MAPK4: variants seen among roughly 807,000 people sequenced by gnomAD.
The protein encoded by MAPK4 is Erk3-related.
MAPK4 carries 22 observed loss-of-function variants against 47.7 expected under a neutral mutation model. The ratio of observed to expected loss-of-function variants is 0.46; its 90% CI spans 0.33 to 0.66. The LOEUF is 0.66. Among genes scored for constraint, MAPK4 ranks in the 30% least tolerant of loss-of-function variants. The pLI is 0.02. For missense variants in MAPK4, 736 were observed against 831.7 expected (o/e 0.88, Z 1.42); for synonymous variants, 390 against 365.7 (o/e 1.07, Z -0.76).
At chr18:50,592,468 A>C (rs2042445028) in intron 1 of MAPK4, among the ~76,000 whole-genome samples, 1 of 152,192 alleles carries the variant, frequency 6.6e-6, no homozygotes, top group South Asian at 2.1e-4. Flanking sequence ...AATCAAAGAC[A>C]CTAGGCCCTC....
At chr18:50,647,560 T>C (rs2043001445) in intron 1 of MAPK4, among the ~76,000 whole-genome samples, 1 of 152,218 alleles carries the variant, frequency 6.6e-6, no homozygotes, top group South Asian at 2.1e-4. Context: ...CTGTGTATGA[T>C]GCCTGAGAGA....
intron 1 of MAPK4, among the ~76,000 whole-genome samples, chr18:50,587,700 A>G (rs1036136109): frequency 6.6e-6 from 1 of 152,130 alleles, no homozygotes; most frequent in African/African-American, 2.4e-5. Context: ...AGGGTTTGGA[A>G]TTCTCTGTCT....
At chr18:50,661,257 G>A (rs1217865176) in intron 1 of MAPK4, among the ~76,000 whole-genome samples, 1 of 152,182 alleles carries the variant, frequency 6.6e-6, no homozygotes, top group Non-Finnish European at 1.5e-5. Context: ...TACATGACTT[G>A]GGCAGCAGGA....
chr18:50,626,690 C>T (rs980429733), intron 1 of MAPK4, among the ~76,000 whole-genome samples: 1 of 152,124 alleles, frequency 6.6e-6, no homozygotes, highest in East Asian at 1.9e-4. Context: ...GAGACCAGGC[C>T]CTTCAGGCTC....
At chr18:50,587,210 T>A (rs1345913330) in intron 1 of MAPK4, among the ~76,000 whole-genome samples, 1 of 152,120 alleles carries the variant, frequency 6.6e-6, no homozygotes, top group East Asian at 1.9e-4. Context: ...CATGGGGCCT[T>A]TGGGAGATAT....
intron 1 of MAPK4, among the ~76,000 whole-genome samples, chr18:50,601,653 G>C (rs1220835193): frequency 6.6e-6 from 1 of 152,158 alleles, no homozygotes; most frequent in Non-Finnish European, 1.5e-5. Flanking sequence ...AGTACTGCAA[G>C]CTTCACCTGG....
chr18:50,722,779 A>T (rs1470733064), intron 4 of MAPK4, among the ~76,000 whole-genome samples: 1 of 152,178 alleles, frequency 6.6e-6, no homozygotes, highest in Non-Finnish European at 1.5e-5. Flanking sequence ...ACAAAAACTC[A>T]GGTGCGGCAC....
At chr18:50,681,174 T>A (rs537850292) in intron 2 of MAPK4, among the ~76,000 whole-genome samples, 4 of 152,348 alleles carry the variant, frequency 2.6e-5, no homozygotes, top group Admixed American at 6.5e-5. Context: ...GTTGAACATC[T>A]TTTCATGTGC....
chr18:50,642,321 G>A (rs554592013), intron 1 of MAPK4, among the ~76,000 whole-genome samples: 1 of 152,364 alleles, frequency 6.6e-6, no homozygotes, highest in Non-Finnish European at 1.5e-5. Flanking sequence ...CAGAGCTGAA[G>A]AATTCCACCC....
At chr18:50,696,426 G>C (rs995555989) in intron 2 of MAPK4, among the ~76,000 whole-genome samples, 11 of 152,224 alleles carry the variant, frequency 7.2e-5, no homozygotes, top group Non-Finnish European at 1.2e-4. Context: ...GCACTGTTGG[G>C]GATACAGCCA....
intron 2 of MAPK4, among the ~76,000 whole-genome samples, chr18:50,676,274 A>G (rs554577143): frequency 6.6e-6 from 1 of 152,290 alleles, no homozygotes; most frequent in South Asian, 2.1e-4. Context: ...TTCATAATTT[A>G]TAAGCCTGTC....
chr18:50,604,202 T>C (rs1185212017), intron 1 of MAPK4, among the ~76,000 whole-genome samples: 1 of 152,242 alleles, frequency 6.6e-6, no homozygotes, highest in African/African-American at 2.4e-5. Flanking sequence ...TAACGGTTGA[T>C]GTTTATAGTG....
At chr18:50,590,266 CAT>C (rs1491297522) in intron 1 of MAPK4, among the ~76,000 whole-genome samples, 3 of 152,200 alleles carry the variant, frequency 2.0e-5, no homozygotes, top group Non-Finnish European at 4.4e-5. Flanking sequence ...CAGAGATACA[CAT>C]ATTTTTTAAT....
At chr18:50,625,791 G>T (rs537546575) in intron 1 of MAPK4, among the ~76,000 whole-genome samples, 34 of 151,926 alleles carry the variant, frequency 2.2e-4, no homozygotes, top group African/African-American at 7.7e-4. Flanking sequence ...TCTGGAAGGG[G>T]CTCTTGCTAG....
At chr18:50,672,748 C>T (rs548707221) in intron 2 of MAPK4, among the ~76,000 whole-genome samples, 29 of 152,310 alleles carry the variant, frequency 1.9e-4, no homozygotes, top group African/African-American at 5.8e-4. Flanking sequence ...GTCCTAGAGG[C>T]GTCCTGCTTG....
chr18:50,728,856 TG>T (rs1321365986), intron 5 of MAPK4, among the ~76,000 whole-genome samples: 2 of 152,354 alleles, frequency 1.3e-5, no homozygotes, highest in South Asian at 2.1e-4. Context: ...CAGGGACGTT[TG>T]TTTTGTTCAC....
At position 50,618,324 on chromosome 18, in the gene MAPK4, C is replaced by T. The variant is rs746142288; in HGVS notation, c.-870-44765C>T. Among the ~76,000 whole-genome samples the T allele has an allele frequency of 6.6e-5, 10 of 152,304 alleles. No individual in the cohort carries two copies. The East Asian group carries it at 7.7e-4, about 12-fold the overall frequency. ...GTCAGTTCACCCAAACTAGTTACTA[C>T]GCCCTGTACCTGTTTTTCCATTTCT... On this transcript the variant is annotated intron_variant, in intron 1 of 5. Coordinates refer to ENST00000400384, the MANE Select transcript of MAPK4 (RefSeq NM_002747.4).
intron 1 of MAPK4, among the ~76,000 whole-genome samples, chr18:50,655,015 T>C (rs375926953): frequency 2.6e-5 from 4 of 152,222 alleles, no homozygotes; most frequent in African/African-American, 9.6e-5. Flanking sequence ...CAAACTTCTC[T>C]TCCCTCCCTC....
chr18:50,610,494 G>A (rs1477358525), intron 1 of MAPK4, among the ~76,000 whole-genome samples: 1 of 152,214 alleles, frequency 6.6e-6, no homozygotes, highest in Non-Finnish European at 1.5e-5. Context: ...CCATCACTGG[G>A]TGAGCTGCAG....
Sources: gnomAD v4.1 joint callset for allele counts (sites outside exome capture counted in the v4.1 genomes callset) on GRCh38, gnomAD v4.1.1 for gene constraint, MANE v1.5 for transcripts, NCBI Gene and HGNC (gene_info 2026-07-23, HGNC 2026-07-21) for gene names.